Variants in CPE observed in about 807,000 individuals in gnomAD.
CPE encodes carboxypeptidase E.
CPE carries 17 observed loss-of-function variants against 53.5 expected under a neutral mutation model. The ratio of observed to expected loss-of-function variants is 0.32; its 90% CI spans 0.22 to 0.48. CPE has a LOEUF of 0.48. Among genes scored for constraint, CPE ranks in the 20% least tolerant of loss-of-function variants. The probability of loss-of-function intolerance (pLI) is 0.99; values close to 1 mark genes in which losing one functional copy is unlikely to be tolerated. For synonymous variants in CPE, 226 were observed against 228.8 expected (o/e 0.99, Z 0.11); for missense variants, 524 against 614.7 (o/e 0.85, Z 1.56).
At chr4:165,391,641 G>A (rs1039423371) in intron 1 of CPE, among the ~76,000 whole-genome samples, 7 of 152,094 alleles carry the variant, frequency 4.6e-5, no homozygotes, top group African/African-American at 1.4e-4. Context: ...GGCTGTAAAC[G>A]AAATACTGCA....
At chr4:165,415,563 TTCC>T (rs1218258018) in intron 1 of CPE, among the ~76,000 whole-genome samples, 1 of 152,170 alleles carries the variant, frequency 6.6e-6, no homozygotes, top group Non-Finnish European at 1.5e-5. Context: ...ATTCCATGTC[TTCC>T]TTTTATTCTC....
intron 1 of CPE, among the ~76,000 whole-genome samples, chr4:165,429,325 C>G (rs760005919): frequency 2.0e-5 from 3 of 152,170 alleles, no homozygotes; most frequent in Non-Finnish European, 4.4e-5. Context: ...TTCTGTGTCT[C>G]CTATTTTTAA....
chr4:165,431,659 AT>A (rs2126679903), intron 1 of CPE, among the ~76,000 whole-genome samples: 1 of 152,284 alleles, frequency 6.6e-6, no homozygotes, highest in African/African-American at 2.4e-5. Context: ...TTTTTTCTGT[AT>A]ATATTATATA....
At chr4:165,430,652 A>ATT (rs75552311) in intron 1 of CPE, among the ~76,000 whole-genome samples, 44,784 of 151,838 alleles carry the variant, frequency 0.29, 6,678 homozygotes, top group Middle Eastern at 0.39. Flanking sequence ...TATGAAAGTA[A>ATT]TTTTTATTAT....
At chr4:165,458,952 C>A (rs1387406584) in intron 1 of CPE, among the ~76,000 whole-genome samples, 1 of 152,170 alleles carries the variant, frequency 6.6e-6, no homozygotes, top group Non-Finnish European at 1.5e-5. Flanking sequence ...GTCATGCTCA[C>A]CCTACTGACA....
intron 6 of CPE, among the ~76,000 whole-genome samples, chr4:165,491,471 A>G (rs772880297): frequency 1.3e-5 from 2 of 152,118 alleles, no homozygotes; most frequent in African/African-American, 4.8e-5. Flanking sequence ...CTTCTTCTCT[A>G]CACTTTTTCT....
intron 1 of CPE, among the ~76,000 whole-genome samples, chr4:165,390,963 T>A (rs961369605): frequency 6.6e-6 from 1 of 152,194 alleles, no homozygotes; most frequent in African/African-American, 2.4e-5. Flanking sequence ...GTATGCTTTT[T>A]AATATAGATT....
chr4:165,424,982 C>T (rs1731294570), intron 1 of CPE, among the ~76,000 whole-genome samples: 1 of 149,534 alleles, frequency 6.7e-6, no homozygotes, highest in South Asian at 2.1e-4. Context: ...TCAAATGATT[C>T]TCCCGCCTCA....
chr4:165,422,680 G>A (rs6833220), intron 1 of CPE, among the ~76,000 whole-genome samples: 44,880 of 151,834 alleles, frequency 0.3, 6,724 homozygotes, highest in Middle Eastern at 0.39. Context: ...ATCAATATGT[G>A]TAAGATGTAC....
At position 165,476,637 on chromosome 4, in the gene CPE, A is replaced by C. The variant is rs1465228643; in HGVS notation, c.673-5605A>C. Among the ~76,000 whole-genome samples, 3 of 151,676 alleles carry C rather than the reference A, an allele frequency of 2.0e-5. No homozygotes were observed. The East Asian group carries it at 5.8e-4, about 30-fold the overall frequency. ...GCTGCAACCAATTATTATTTTAGAG[A>C]GGCAGTTTAACAACCTCCCGCCCAT... On this transcript the variant is annotated intron_variant, in intron 3 of 8. Transcript: ENST00000402744.
chr4:165,409,421 C>A (rs942599969), intron 1 of CPE, among the ~76,000 whole-genome samples: 2 of 152,134 alleles, frequency 1.3e-5, no homozygotes, highest in Non-Finnish European at 2.9e-5. Context: ...CCTAGCTGGT[C>A]TCGAACTCCT....
intron 3 of CPE, among the ~76,000 whole-genome samples, chr4:165,478,189 T>G (rs1329973542): frequency 6.6e-6 from 1 of 152,228 alleles, no homozygotes; most frequent in African/African-American, 2.4e-5. Context: ...GTATTTATAA[T>G]CTTTAAATGG....
At chr4:165,428,120 T>C (rs11729298) in intron 1 of CPE, among the ~76,000 whole-genome samples, 44,963 of 152,022 alleles carry the variant, frequency 0.3, 6,743 homozygotes, top group Middle Eastern at 0.39. Flanking sequence ...GCCTCAAACT[T>C]CTAGGCTCAA....
At chr4:165,449,193 G>A (rs1367420490) in intron 1 of CPE, among the ~76,000 whole-genome samples, 1 of 152,182 alleles carries the variant, frequency 6.6e-6, no homozygotes, top group Non-Finnish European at 1.5e-5. Context: ...TAATAAGATA[G>A]TTTACTTTTG....
chr4:165,433,577 G>A (rs1244285205), intron 1 of CPE, among the ~76,000 whole-genome samples: 2 of 152,076 alleles, frequency 1.3e-5, no homozygotes, highest in Non-Finnish European at 2.9e-5. Flanking sequence ...CAGCCCTGCC[G>A]GCCATACGGT....
intron 8 of CPE, 31 bp downstream of exon 8, chr4:165,495,708 T>C: frequency 7.2e-7 from 1 of 1,392,184 alleles, no homozygotes; most frequent in Non-Finnish European, 1.0e-6. Flanking sequence ...CCAAACGCTA[T>C]AATAATAATT....
chr4:165,427,287 G>T (rs963316270), intron 1 of CPE, among the ~76,000 whole-genome samples: 4 of 152,096 alleles, frequency 2.6e-5, no homozygotes, highest in Non-Finnish European at 4.4e-5. Flanking sequence ...CTGGCTGCCT[G>T]ATCAGTTTCT....
At chr4:165,398,323 AATATATACAC>A (rs1159194336) in intron 1 of CPE, among the ~76,000 whole-genome samples, 2 of 152,144 alleles carry the variant, frequency 1.3e-5, no homozygotes, top group Non-Finnish European at 2.9e-5. Flanking sequence ...TACAACTGCT[AATATATACAC>A]ATATATACAC....
At chr4:165,423,459 A>G (rs1325508973) in intron 1 of CPE, among the ~76,000 whole-genome samples, 1 of 151,688 alleles carries the variant, frequency 6.6e-6, no homozygotes, top group African/African-American at 2.4e-5. Context: ...AGAGAATGTG[A>G]TCTATAGTCT....
Sources: gnomAD v4.1 joint callset for allele counts (sites outside exome capture counted in the v4.1 genomes callset) on GRCh38, gnomAD v4.1.1 for gene constraint, MANE v1.5 for transcripts, NCBI Gene and HGNC (gene_info 2026-07-23, HGNC 2026-07-21) for gene names.